TAF13: variants seen among roughly 807,000 people sequenced by gnomAD.
TAF13 encodes transcription initiation factor TFIID subunit 13.
Under a neutral mutation model 18.7 loss-of-function variants are expected in TAF13, and 9 were observed. The ratio of observed to expected loss-of-function variants is 0.48; its 90% CI spans 0.29 to 0.84. The LOEUF (loss-of-function observed/expected upper bound fraction) is 0.84. Ranked by LOEUF, TAF13 falls within the 40% of genes least tolerant of loss-of-function variation. The probability of loss-of-function intolerance (pLI) is 0.08; values close to 1 mark genes in which losing one functional copy is unlikely to be tolerated. For missense variants in TAF13, 105 were observed against 146.5 expected, an observed-to-expected ratio of 0.72 and a Z score of 1.46; for synonymous variants, 49 against 44.1, an observed-to-expected ratio of 1.11 and a Z score of -0.44.
At chr1:109,068,672 A>G (rs182404634) in intron 2 of TAF13, among the ~76,000 whole-genome samples, 3 of 152,208 alleles carry the variant, frequency 2.0e-5, no homozygotes, top group East Asian at 1.9e-4. Flanking sequence ...TTCTTATCCT[A>G]TCGCCTATAA....
chr1:109,075,473 T>C (rs1181391918), intron 1 of TAF13, among the ~76,000 whole-genome samples: 1 of 152,200 alleles, frequency 6.6e-6, no homozygotes, highest in Non-Finnish European at 1.5e-5. Flanking sequence ...GTTCCTTAAG[T>C]AAGCCCGTAA....
intron 3 of TAF13, among the ~76,000 whole-genome samples, chr1:109,065,432 T>G (rs1416995420): frequency 1.3e-5 from 2 of 151,682 alleles, no homozygotes; most frequent in African/African-American, 4.8e-5. Flanking sequence ...TCAGCTGCAG[T>G]GAGCAATGAT....
intron 3 of TAF13, among the ~76,000 whole-genome samples, chr1:109,065,683 G>A (rs916687367): frequency 6.6e-6 from 1 of 152,156 alleles, no homozygotes; most frequent in African/African-American, 2.4e-5. Flanking sequence ...AGCACTTTGG[G>A]AGGCCGAGGC....
chr1:109,068,852 A>C (rs1034470351), intron 2 of TAF13, among the ~76,000 whole-genome samples: 2 of 152,124 alleles, frequency 1.3e-5, no homozygotes, highest in Non-Finnish European at 2.9e-5. Flanking sequence ...AAATACAAAA[A>C]TTAGGGGGGC....
At chr1:109,075,847 C>A (rs1664168506) in intron 1 of TAF13, 74 bp downstream of exon 1, 1 of 1,600,700 alleles carries the variant, frequency 6.2e-7, no homozygotes. Flanking sequence ...CAGACCCGAT[C>A]CTGAACTCTG....
chr1:109,067,012 C>T (rs980654425), intron 2 of TAF13, among the ~76,000 whole-genome samples: 1 of 152,094 alleles, frequency 6.6e-6, no homozygotes, highest in Non-Finnish European at 1.5e-5. Flanking sequence ...AGCCACCGCG[C>T]CCAGCCCCAA....
At chr1:109,066,615 G>A (rs930712316) in intron 2 of TAF13, among the ~76,000 whole-genome samples, 3 of 152,178 alleles carry the variant, frequency 2.0e-5, no homozygotes, top group African/African-American at 7.2e-5. Flanking sequence ...TTTGTGTGTG[G>A]GCATGGCAGT....
intron 2 of TAF13, among the ~76,000 whole-genome samples, chr1:109,074,704 C>T (rs934904081): frequency 9.2e-5 from 14 of 151,584 alleles, no homozygotes; most frequent in African/African-American, 3.2e-4. Flanking sequence ...GGCATGAACC[C>T]GGGAGGCGGA....
chr1:109,069,445 G>C (rs1476144673), intron 2 of TAF13, among the ~76,000 whole-genome samples: 1 of 151,942 alleles, frequency 6.6e-6, no homozygotes, highest in Non-Finnish European at 1.5e-5. Context: ...TACTGTTTAG[G>C]GAATAGTGAC....
intron 2 of TAF13, among the ~76,000 whole-genome samples, chr1:109,068,542 C>T (rs1042139717): frequency 6.6e-6 from 1 of 151,842 alleles, no homozygotes; most frequent in Non-Finnish European, 1.5e-5. Context: ...GAGACAGGGT[C>T]CCACCTTGTT....
chr1:109,069,223 G>GCA (rs1250601515), intron 2 of TAF13, among the ~76,000 whole-genome samples: 1 of 151,406 alleles, frequency 6.6e-6, no homozygotes, highest in Non-Finnish European at 1.5e-5. Context: ...GTGTGTGTGC[G>GCA]CACATGTATA....
chr1:109,064,462 A>C lies in TAF13; in HGVS notation c.*61T>G. 1 of 1,284,530 alleles carries C rather than the reference A, an allele frequency of 7.8e-7. No individual in the cohort carries two copies. The allele number at this position is 1,284,530 out of a possible 1,614,324, so 79.6% of individuals were successfully genotyped here. A position where few individuals can be genotyped will look rare whatever the true frequency, so the allele number is the denominator to read the frequency against. ...CTAGATATCAGAATCTTACTTTAGA[A>C]AATATACAATTATTATATATGGTTT... On this transcript the variant is annotated 3_prime_UTR_variant, in exon 4 of 4. Transcript: ENST00000338366.
In TAF13 at chr1:109,075,920, C is replaced by G. The variant is rs761589002; in HGVS notation, c.27+1G>C. 1 of 1,614,238 alleles carries G rather than the reference C, an allele frequency of 6.2e-7. No individual in the cohort carries two copies. Among genetic ancestry groups the G allele is most frequent in the Non-Finnish European group, 8.5e-7 (1 of 1,180,040 alleles). The stretch of plus-strand genomic sequence containing the variant: ...GGTTTTGGACAGAGACGGTCACTCA[C>G]CGTGGGGTCTTCTTCCTCATCTGCC... On this transcript the variant is annotated splice_donor_variant, in intron 1 of 3. Coordinates refer to ENST00000338366, the MANE Select transcript of TAF13 (RefSeq NM_005645.4). LOFTEE classifies it high-confidence loss of function.
intron 2 of TAF13, among the ~76,000 whole-genome samples, chr1:109,067,294 C>T (rs1663967250): frequency 6.6e-6 from 1 of 151,916 alleles, no homozygotes; most frequent in South Asian, 2.1e-4. Flanking sequence ...CCTGTCTCTA[C>T]ATAAAAAACA....
chr1:109,068,129 T>C (rs1472244681), intron 2 of TAF13, among the ~76,000 whole-genome samples: 1 of 152,168 alleles, frequency 6.6e-6, no homozygotes, highest in Non-Finnish European at 1.5e-5. Context: ...CCACTATGCC[T>C]GGCTAATATG....
intron 2 of TAF13, among the ~76,000 whole-genome samples, 156 bp downstream of exon 2, chr1:109,074,831 T>C (rs1664154441): frequency 6.6e-6 from 1 of 151,638 alleles, no homozygotes; most frequent in Admixed American, 6.6e-5. Context: ...GGGTTAGGAT[T>C]GGTACTATCT....
intron 2 of TAF13, among the ~76,000 whole-genome samples, chr1:109,068,875 A>G (rs1207920780): frequency 2.0e-5 from 3 of 152,098 alleles, no homozygotes; most frequent in Non-Finnish European, 4.4e-5. Context: ...GGTGGCACGC[A>G]CCTGTAATCC....
chr1:109,068,675 G>A (rs762377349), intron 2 of TAF13, among the ~76,000 whole-genome samples: 4 of 151,932 alleles, frequency 2.6e-5, no homozygotes, highest in Non-Finnish European at 4.4e-5. Context: ...TTATCCTATC[G>A]CCTATAAACT....
At chr1:109,075,360 G>A (rs1373010306) in intron 1 of TAF13, among the ~76,000 whole-genome samples, 1 of 152,118 alleles carries the variant, frequency 6.6e-6, no homozygotes, top group Admixed American at 6.6e-5. Flanking sequence ...TATTACTACT[G>A]TTACTGTTAA....
Sources: allele counts gnomAD v4.1 joint callset (sites outside exome capture counted in the v4.1 genomes callset), GRCh38; gene constraint gnomAD v4.1.1; transcripts MANE v1.5; gene names NCBI Gene and HGNC (gene_info 2026-07-23, HGNC 2026-07-21).